Variants in CTNNA2 observed in about 807,000 individuals in gnomAD.
The protein encoded by CTNNA2 is catenin alpha 2, also known as catenin alpha-2.
CTNNA2 carries 42 observed loss-of-function variants against 101.0 expected under a neutral mutation model. That is an observed-to-expected ratio of 0.42 (90% CI 0.32 to 0.54). CTNNA2 has a LOEUF of 0.54. CTNNA2 is among the 20% of genes least tolerant of loss of function. The pLI is 0.14. For missense variants in CTNNA2, 871 were observed against 1,223.1 expected, an observed-to-expected ratio of 0.71 and a Z score of 4.29; for synonymous variants, 450 against 456.4, an observed-to-expected ratio of 0.99 and a Z score of 0.18.
At chr2:80,560,881 AG>A (rs1479799665) in intron 12 of CTNNA2, among the ~76,000 whole-genome samples, 1 of 152,228 alleles carries the variant, frequency 6.6e-6, no homozygotes, top group Non-Finnish European at 1.5e-5. Context: ...TGGTGTTTTC[AG>A]TAACACATTT....
At chr2:80,580,596 T>A (rs935047970) in intron 13 of CTNNA2, among the ~76,000 whole-genome samples, 1 of 151,470 alleles carries the variant, frequency 6.6e-6, no homozygotes, top group African/African-American at 2.4e-5. Flanking sequence ...ATCCCTAATG[T>A]CACTGTGCTC....
chr2:79,888,241 T>G (rs1260899271), intron 6 of CTNNA2, among the ~76,000 whole-genome samples: 4 of 152,156 alleles, frequency 2.6e-5, no homozygotes, highest in African/African-American at 7.2e-5. Context: ...TCAAGGCTGG[T>G]TCTGCTGGGT....
intron 7 of CTNNA2, among the ~76,000 whole-genome samples, chr2:79,985,942 A>G (rs115980018): frequency 0.024 from 3,671 of 152,242 alleles, 179 homozygotes; most frequent in African/African-American, 0.084. Flanking sequence ...CCACTTGCCC[A>G]CACCCCAGGC....
chr2:80,638,134 T>A (rs1328718483), intron 18 of CTNNA2, among the ~76,000 whole-genome samples: 1 of 152,222 alleles, frequency 6.6e-6, no homozygotes, highest in Non-Finnish European at 1.5e-5. Context: ...AAGGTAGTGA[T>A]GCTCTGCTAG....
chr2:80,437,341 G>A (rs1459464059), intron 9 of CTNNA2, among the ~76,000 whole-genome samples: 1 of 152,184 alleles, frequency 6.6e-6, no homozygotes, highest in Non-Finnish European at 1.5e-5. Context: ...TAGGGATGGG[G>A]GAGGCTTGAA....
At chr2:80,205,791 G>C (rs1209938726) in intron 7 of CTNNA2, among the ~76,000 whole-genome samples, 1 of 152,124 alleles carries the variant, frequency 6.6e-6, no homozygotes, top group African/African-American at 2.4e-5. Flanking sequence ...TGTTTCAAAA[G>C]AGAAAATTGT....
chr2:80,336,128 A>T (rs1671746454), intron 7 of CTNNA2, among the ~76,000 whole-genome samples: 1 of 152,170 alleles, frequency 6.6e-6, no homozygotes, highest in Non-Finnish European at 1.5e-5. Context: ...AAGCAAAAGA[A>T]ATTTATTTCT....
intron 8 of CTNNA2, among the ~76,000 whole-genome samples, chr2:80,394,673 A>T (rs555261380): frequency 6.6e-6 from 1 of 152,258 alleles, no homozygotes; most frequent in African/African-American, 2.4e-5. Context: ...CCTTGGTTTT[A>T]GTGTTAGCTC....
intron 1 of CTNNA2, among the ~76,000 whole-genome samples, chr2:79,539,817 G>A (rs549654476): frequency 2.6e-5 from 4 of 152,244 alleles, no homozygotes; most frequent in South Asian, 2.1e-4. Context: ...GGGGGGCTGT[G>A]CATTTCTAGC....
chr2:80,059,243 A>G (rs1697418924), intron 7 of CTNNA2, among the ~76,000 whole-genome samples: 1 of 152,122 alleles, frequency 6.6e-6, no homozygotes, highest in Admixed American at 6.5e-5. Flanking sequence ...TTCTCCTATC[A>G]CAAATTGCAA....
chr2:79,431,753 A>T (rs72919186), intron 4 of CTNNA2, among the ~76,000 whole-genome samples: 1,824 of 152,258 alleles, frequency 0.012, 28 homozygotes, highest in African/African-American at 0.041. Flanking sequence ...CTGAGGAGGC[A>T]ACTCAAAAGT....
At chr2:79,881,203 A>G (rs1401963414) in intron 6 of CTNNA2, among the ~76,000 whole-genome samples, 2 of 152,142 alleles carry the variant, frequency 1.3e-5, no homozygotes, top group Non-Finnish European at 2.9e-5. Flanking sequence ...GTTCTTTTGC[A>G]TTTGCCAAGG....
intron 2 of CTNNA2, among the ~76,000 whole-genome samples, chr2:79,709,404 T>C (rs1411404339): frequency 6.6e-6 from 1 of 152,176 alleles, no homozygotes; most frequent in Non-Finnish European, 1.5e-5. Flanking sequence ...TACCAGGGAC[T>C]CAGGTCAATG....
chr2:79,555,111 C>A (rs1157523597), intron 1 of CTNNA2, among the ~76,000 whole-genome samples: 1 of 152,192 alleles, frequency 6.6e-6, no homozygotes, highest in African/African-American at 2.4e-5. Flanking sequence ...CCTTAGGGCA[C>A]ATTCCTTTGT....
chr2:79,556,671 T>G (rs1674466241), intron 1 of CTNNA2, among the ~76,000 whole-genome samples: 1 of 152,056 alleles, frequency 6.6e-6, no homozygotes, highest in South Asian at 2.1e-4. Context: ...TTAACACCTT[T>G]TGTCTTCTTA....
chr2:79,290,712 G>A (rs1035301119), intron 2 of CTNNA2, among the ~76,000 whole-genome samples: 11 of 152,040 alleles, frequency 7.2e-5, no homozygotes, highest in African/African-American at 2.4e-4. Flanking sequence ...GGGGAGTCCC[G>A]ACTCCAGGGA....
intron 9 of CTNNA2, among the ~76,000 whole-genome samples, chr2:80,429,802 A>T (rs1681322369): frequency 6.6e-6 from 1 of 152,226 alleles, no homozygotes; most frequent in African/African-American, 2.4e-5. Flanking sequence ...CACAGTTTGC[A>T]TCGTTCATAT....
chr2:79,909,844 G>A (rs1685666365), intron 7 of CTNNA2, 47 bp downstream of exon 7: 1 of 1,526,068 alleles, frequency 6.6e-7, no homozygotes, highest in Admixed American at 2.0e-5. Flanking sequence ...ATTCTGTTCT[G>A]CAATCGTGTT....
chr2:80,532,852 T>C (rs1366035127), intron 9 of CTNNA2, among the ~76,000 whole-genome samples: 3 of 152,150 alleles, frequency 2.0e-5, no homozygotes, highest in Non-Finnish European at 4.4e-5. Flanking sequence ...ATTAATCAAT[T>C]AGCATCTTTT....
Sources: gnomAD v4.1 joint callset for allele counts (sites outside exome capture counted in the v4.1 genomes callset) on GRCh38, gnomAD v4.1.1 for gene constraint, MANE v1.5 for transcripts, NCBI Gene and HGNC (gene_info 2026-07-23, HGNC 2026-07-21) for gene names.